HPSE2: variants seen among roughly 807,000 people sequenced by gnomAD.
HPSE2 encodes inactive heparanase-2.
In HPSE2, 38 loss-of-function variants were observed where a neutral mutation model predicts 60.5. That is an observed-to-expected ratio of 0.63 (90% CI 0.48 to 0.82). The LOEUF is 0.82. Among genes scored for constraint, HPSE2 ranks in the 40% least tolerant of loss-of-function variants. HPSE2 has a pLI of 0.00. For missense variants in HPSE2, 713 were observed against 740.4 expected (o/e 0.96, Z 0.43); for synonymous variants, 295 against 293.2 (o/e 1.01, Z -0.06).
At chr10:98,865,543 AGATAGAGGTAAGAG>A (rs1278817787) in intron 3 of HPSE2, among the ~76,000 whole-genome samples, 4 of 152,092 alleles carry the variant, frequency 2.6e-5, no homozygotes, top group South Asian at 4.2e-4. Flanking sequence ...TGACTTGAGG[AGATAGAGGTAAGAG>A]TCTGGGAAGA....
At chr10:99,309,269 C>T in the HPSE2 span, among the ~76,000 whole-genome samples, 2 of 152,088 alleles carry the variant, frequency 1.3e-5, no homozygotes, top group Admixed American at 1.3e-4. Flanking sequence ...CATAATGGTT[C>T]CACAACTCTG....
chr10:98,795,722 A>C (rs2589575), intron 3 of HPSE2, among the ~76,000 whole-genome samples: 17,635 of 151,994 alleles, frequency 0.12, 2,599 homozygotes, highest in African/African-American at 0.34. Flanking sequence ...TTGTGCCGCC[A>C]CTCCCCCAGC....
At chr10:98,714,644 C>G (rs867206407) in intron 5 of HPSE2, among the ~76,000 whole-genome samples, 1 of 151,836 alleles carries the variant, frequency 6.6e-6, no homozygotes, top group African/African-American at 2.4e-5. Context: ...ATTATGAATA[C>G]TGCTGCTATG....
intron 11 of HPSE2, among the ~76,000 whole-genome samples, chr10:98,475,126 T>C (rs1434098127): frequency 1.3e-5 from 2 of 151,584 alleles, no homozygotes; most frequent in Non-Finnish European, 2.9e-5. Flanking sequence ...TTCTATTTTT[T>C]TTTTTTTTTG....
the HPSE2 span, among the ~76,000 whole-genome samples, chr10:99,286,582 G>A: frequency 2.0e-5 from 3 of 152,126 alleles, no homozygotes; most frequent in Admixed American, 6.5e-5. Context: ...CTTTCAGTAT[G>A]GGGTGATGAA....
rs1215380199 is a variant in HPSE2, at chr10:98,649,142, T to TG, written c.1005-7203dup. ...TTTAAAAAACTCAGTGTTTGTAAATTGGGGGTTGCTTATACTGTTGCCACA... is the reference window on the plus strand; with the variant it reads ...TTTAAAAAACTCAGTGTTTGTAAATTGGGGGGTTGCTTATACTGTTGCCACA... On this transcript the variant is annotated intron_variant, in intron 6 of 11. Coordinates refer to ENST00000370552, the MANE Select transcript of HPSE2 (RefSeq NM_021828.5). Among the ~76,000 whole-genome samples, 3 of 152,264 alleles carry TG rather than the reference T, an allele frequency of 2.0e-5. No homozygotes were observed. The East Asian group carries it at 5.8e-4, about 29-fold the overall frequency.
At chr10:99,185,465 T>C (rs1200968505) in intron 2 of HPSE2, among the ~76,000 whole-genome samples, 1 of 151,964 alleles carries the variant, frequency 6.6e-6, no homozygotes, top group Non-Finnish European at 1.5e-5. Context: ...AAAAGGCACA[T>C]ACAGGTACTG....
chr10:98,732,120 T>C (rs1285007441), intron 4 of HPSE2, among the ~76,000 whole-genome samples: 2 of 152,056 alleles, frequency 1.3e-5, no homozygotes, highest in African/African-American at 4.8e-5. Context: ...CTACAAAACA[T>C]TGCTGAGATA....
chr10:98,537,598 T>C (rs1943323458), intron 9 of HPSE2, among the ~76,000 whole-genome samples: 1 of 152,196 alleles, frequency 6.6e-6, no homozygotes, highest in Admixed American at 6.5e-5. Flanking sequence ...TTGTGAGAAG[T>C]GACCTAGAAG....
intron 9 of HPSE2, among the ~76,000 whole-genome samples, chr10:98,572,589 C>G (rs1944528624): frequency 6.6e-6 from 1 of 152,232 alleles, no homozygotes; most frequent in Non-Finnish European, 1.5e-5. Flanking sequence ...ATCCTCCCAT[C>G]TCTCCACTTT....
chr10:98,487,039 A>C (rs1941465644), intron 10 of HPSE2, among the ~76,000 whole-genome samples: 1 of 152,200 alleles, frequency 6.6e-6, no homozygotes, highest in Non-Finnish European at 1.5e-5. Context: ...CTTGAACCCC[A>C]AAAGGCTTAA....
intron 9 of HPSE2, among the ~76,000 whole-genome samples, chr10:98,542,441 G>A (rs1462247893): frequency 3.3e-5 from 5 of 152,086 alleles, no homozygotes; most frequent in South Asian, 2.1e-4. Context: ...CCAAAGGAAC[G>A]CAGTTCCTCA....
At chr10:98,541,563 G>C (rs1034482550) in intron 9 of HPSE2, among the ~76,000 whole-genome samples, 1 of 152,192 alleles carries the variant, frequency 6.6e-6, no homozygotes, top group African/African-American at 2.4e-5. Flanking sequence ...CCCTTTCCTG[G>C]TCAAGGAAAG....
chr10:99,198,744 G>C (rs1338240045), intron 2 of HPSE2, among the ~76,000 whole-genome samples: 1 of 152,084 alleles, frequency 6.6e-6, no homozygotes, highest in Non-Finnish European at 1.5e-5. Flanking sequence ...ACAAATAACT[G>C]TTGTTAACTA....
intron 2 of HPSE2, among the ~76,000 whole-genome samples, chr10:99,171,436 A>G (rs555735571): frequency 1.3e-4 from 20 of 151,730 alleles, no homozygotes; most frequent in Non-Finnish European, 2.4e-4. Flanking sequence ...TAGATGTGGG[A>G]AAAAAAAAGA....
chr10:98,748,642 C>G (rs1021951821), intron 3 of HPSE2, among the ~76,000 whole-genome samples: 1 of 152,066 alleles, frequency 6.6e-6, no homozygotes, highest in African/African-American at 2.4e-5. Context: ...TCAGTGCTGA[C>G]AGTTGATGCT....
the HPSE2 span, among the ~76,000 whole-genome samples, chr10:99,248,930 A>G: frequency 6.6e-6 from 1 of 152,248 alleles, no homozygotes; most frequent in African/African-American, 2.4e-5. Flanking sequence ...TGTGGTGTTA[A>G]GCCTCCGGAT....
At position 98,481,429 on chromosome 10, in the gene HPSE2, G is replaced by A. The variant is rs550560591; in HGVS notation, c.1613+1207C>T. ...AACCAGGTCTCCTGCCTAGGATGAA[G>A]GCCAGGAATTCAGCACACTCATCAT... is the stretch of plus-strand genomic sequence containing the variant. On this transcript the variant is annotated intron_variant, in intron 11 of 11. Transcript: ENST00000370552. Among the ~76,000 whole-genome samples, 15 of 152,290 alleles carry A rather than the reference G, an allele frequency of 9.8e-5. No homozygotes were observed. The South Asian group carries it at 2.7e-3, about 27-fold the overall frequency.
intron 6 of HPSE2, among the ~76,000 whole-genome samples, chr10:98,685,823 C>T (rs1947901451): frequency 6.6e-6 from 1 of 152,036 alleles, no homozygotes; most frequent in African/African-American, 2.4e-5. Flanking sequence ...TAAGAAACTG[C>T]CAGATTTTCC....
Sources: gnomAD v4.1 joint callset for allele counts (sites outside exome capture counted in the v4.1 genomes callset) on GRCh38, gnomAD v4.1.1 for gene constraint, MANE v1.5 for transcripts, NCBI Gene and HGNC (gene_info 2026-07-23, HGNC 2026-07-21) for gene names.